ITGB6: variants seen among roughly 807,000 people sequenced by gnomAD.
ITGB6 encodes integrin beta-6.
Under a neutral mutation model 84.5 loss-of-function variants are expected in ITGB6, and 80 were observed. The observed-to-expected ratio is 0.95, with a 90% CI of 0.79 to 1.14. The LOEUF (loss-of-function observed/expected upper bound fraction) is 1.14, where lower values mean the gene tolerates loss of function less well. Ranked by LOEUF, ITGB6 falls within the 50% of genes most tolerant of loss-of-function variation. The pLI is 0.00. For synonymous variants in ITGB6, 383 were observed against 354.9 expected, an observed-to-expected ratio of 1.08 and a Z score of -0.89; for missense variants, 1,006 against 968.0, an observed-to-expected ratio of 1.04 and a Z score of -0.52.
chr2:160,186,068 C>T (rs563308836), intron 4 of ITGB6, among the ~76,000 whole-genome samples: 15 of 152,112 alleles, frequency 9.9e-5, no homozygotes, highest in Non-Finnish European at 1.8e-4. Flanking sequence ...TGGGCAAAGA[C>T]TTCATGATTA....
In ITGB6 at chr2:160,169,281, A is replaced by T; in HGVS notation, c.948T>A (p.Ile316=). Residue 316 remains isoleucine, a synonymous_variant, in exon 7 of 15, where the codon ATT becomes ATA. Transcript: ENST00000283249. ...ACACGTTGTTTTGTACCAGTTTATC[A>T]ATGAGTTGTCCAATTGTTGGATATT... ...VLEYPTIGQL[I]DKLVQNNVLL... 1 of 1,599,948 alleles carries T rather than the reference A, an allele frequency of 6.3e-7. No individual in the cohort carries two copies. Among genetic ancestry groups the T allele is most frequent in the Admixed American group, 1.7e-5 (1 of 58,214 alleles).
chr2:160,177,435 G>T (rs1685469031), intron 4 of ITGB6, among the ~76,000 whole-genome samples: 1 of 151,944 alleles, frequency 6.6e-6, no homozygotes, highest in Admixed American at 6.6e-5. Context: ...GCCCGGGGTG[G>T]TGGTGGGTGC....
At chr2:160,153,217 A>G (rs193179276) in intron 7 of ITGB6, among the ~76,000 whole-genome samples, 183 of 152,376 alleles carry the variant, frequency 1.2e-3, no homozygotes, top group Non-Finnish European at 2.2e-3. Flanking sequence ...CCAAAGCAGC[A>G]TGGTACTGGT....
intron 4 of ITGB6, among the ~76,000 whole-genome samples, chr2:160,179,677 C>A (rs1012945104): frequency 4.0e-5 from 6 of 151,660 alleles, no homozygotes; most frequent in African/African-American, 1.5e-4. Flanking sequence ...CAGGTGTGAG[C>A]TACCATGCCC....
chr2:160,117,938 AC>A (rs1306783956), intron 12 of ITGB6, among the ~76,000 whole-genome samples: 2 of 152,252 alleles, frequency 1.3e-5, no homozygotes, highest in Non-Finnish European at 2.9e-5. Context: ...ATTCCTTGAC[AC>A]ATACATCCTC....
At chr2:160,153,329 C>A (rs1684499999) in intron 7 of ITGB6, among the ~76,000 whole-genome samples, 2 of 152,258 alleles carry the variant, frequency 1.3e-5, no homozygotes, top group South Asian at 2.1e-4. Flanking sequence ...CAAAAACAAG[C>A]AATGGGAAAA....
At position 160,195,488 on chromosome 2, in the gene ITGB6, C is replaced by A. The variant is rs1461645873; in HGVS notation, c.474G>T (p.Arg158=). ...DLNTIKELGS[R]LSKEMSKLTS... ...TTAATTTAGACATCTCTTTGGAAAG[C>A]CGGGAGCCCAGCTCCTTTATTGTGT... Residue 158 remains arginine, a synonymous_variant, in exon 4 of 15, where the codon CGG becomes CGT. Coordinates refer to ENST00000283249, the MANE Select transcript of ITGB6 (RefSeq NM_000888.5). The A allele has an allele frequency of 6.2e-7, 1 of 1,614,160 alleles. No homozygotes were observed. Among genetic ancestry groups the A allele is most frequent in the Admixed American group, 1.7e-5 (1 of 60,030 alleles).
At chr2:160,184,186 C>CA (rs1685802514) in intron 4 of ITGB6, among the ~76,000 whole-genome samples, 1 of 152,040 alleles carries the variant, frequency 6.6e-6, no homozygotes, top group African/African-American at 2.4e-5. Context: ...TCAGTGAATC[C>CA]AGGAGCTGGT....
chr2:160,172,276 G>A (rs1685236043), intron 6 of ITGB6, among the ~76,000 whole-genome samples: 1 of 152,170 alleles, frequency 6.6e-6, no homozygotes, highest in African/African-American at 2.4e-5. Context: ...GCTGAGAATA[G>A]AATGAGCTGC....
chr2:160,151,450 G>A (rs1355319149), intron 7 of ITGB6, among the ~76,000 whole-genome samples: 1 of 152,164 alleles, frequency 6.6e-6, no homozygotes, highest in Non-Finnish European at 1.5e-5. Flanking sequence ...AAAGCAGTGT[G>A]TAGAGGGAAA....
chr2:160,173,372 C>T (rs1685292330), intron 5 of ITGB6, among the ~76,000 whole-genome samples: 1 of 152,204 alleles, frequency 6.6e-6, no homozygotes, highest in South Asian at 2.1e-4. Context: ...CCCACCTTAT[C>T]CCTTTCCTTC....
chr2:160,145,429 G>A (rs182731046), intron 7 of ITGB6, among the ~76,000 whole-genome samples: 175 of 152,144 alleles, frequency 1.2e-3, no homozygotes, highest in African/African-American at 4.1e-3. Flanking sequence ...CCTTCTTCAA[G>A]TCCTATTTAT....
At chr2:160,159,094 A>G (rs1201564190) in intron 7 of ITGB6, among the ~76,000 whole-genome samples, 2 of 147,012 alleles carry the variant, frequency 1.4e-5, no homozygotes, top group Non-Finnish European at 3.0e-5. Context: ...GTGAGACTCC[A>G]TCTCAAAAAA....
intron 12 of ITGB6, 26 bp from the exon 13 acceptor site, chr2:160,112,225 G>C (rs755597006): frequency 2.6e-6 from 4 of 1,538,860 alleles, no homozygotes; most frequent in Middle Eastern, 1.8e-4. Flanking sequence ...TCATTCATTA[G>C]GTTAAACAAG....
intron 4 of ITGB6, among the ~76,000 whole-genome samples, chr2:160,177,136 G>T (rs1685449056): frequency 6.6e-6 from 1 of 151,902 alleles, no homozygotes; most frequent in Non-Finnish European, 1.5e-5. Flanking sequence ...GCAAAAAATG[G>T]CATTTGTTAG....
intron 12 of ITGB6, among the ~76,000 whole-genome samples, chr2:160,122,928 A>C (rs1683098480): frequency 6.6e-6 from 1 of 152,194 alleles, no homozygotes; most frequent in South Asian, 2.1e-4. Flanking sequence ...CCTGAGCTAC[A>C]TCTTGGCCAC....
intron 14 of ITGB6, among the ~76,000 whole-genome samples, chr2:160,105,378 T>G (rs1218215269): frequency 6.6e-6 from 1 of 152,204 alleles, no homozygotes; most frequent in Non-Finnish European, 1.5e-5. Context: ...AACTGTTAAT[T>G]AAAATGTTAT....
At chr2:160,114,627 T>A (rs1365752255) in intron 12 of ITGB6, among the ~76,000 whole-genome samples, 1 of 152,188 alleles carries the variant, frequency 6.6e-6, no homozygotes, top group Admixed American at 6.5e-5. Flanking sequence ...ACCGGGTTCA[T>A]CTCACTAGGG....
At chr2:160,189,317 C>A (rs1257383314) in intron 4 of ITGB6, among the ~76,000 whole-genome samples, 1 of 152,086 alleles carries the variant, frequency 6.6e-6, no homozygotes, top group Non-Finnish European at 1.5e-5. Context: ...ACTAAAACAC[C>A]AAAAGCAATG....
Sources: allele counts gnomAD v4.1 joint callset (sites outside exome capture counted in the v4.1 genomes callset), GRCh38; gene constraint gnomAD v4.1.1; transcripts MANE v1.5; gene names NCBI Gene and HGNC (gene_info 2026-07-23, HGNC 2026-07-21).